SLC13A1: variants seen among roughly 807,000 people sequenced by gnomAD.
SLC13A1 encodes the protein solute carrier family 13 member 1.
In SLC13A1, 65 loss-of-function variants were observed where a neutral mutation model predicts 70.0. The observed-to-expected ratio is 0.93, with a 90% confidence interval of 0.76 to 1.14. SLC13A1 has a LOEUF of 1.14. SLC13A1 is among the 50% of genes most tolerant of loss of function. SLC13A1 has a pLI of 0.00. For synonymous variants in SLC13A1, 275 were observed against 250.5 expected, an observed-to-expected ratio of 1.10 and a Z score of -0.92; for missense variants, 726 against 717.8, an observed-to-expected ratio of 1.01 and a Z score of -0.13.
At chr7:123,160,404 T>C (rs1794851569) in intron 6 of SLC13A1, among the ~76,000 whole-genome samples, 1 of 151,872 alleles carries the variant, frequency 6.6e-6, no homozygotes, top group Non-Finnish European at 1.5e-5. Flanking sequence ...CACAGAAACA[T>C]TCTAAATGGG....
intron 10 of SLC13A1, among the ~76,000 whole-genome samples, chr7:123,126,920 G>A (rs1258213737): frequency 6.6e-6 from 1 of 152,010 alleles, no homozygotes; most frequent in East Asian, 1.9e-4. Context: ...ACATTAGGTG[G>A]TAGCTATAAA....
chr7:123,138,484 A>G (rs1166758698), intron 7 of SLC13A1, among the ~76,000 whole-genome samples: 1 of 152,128 alleles, frequency 6.6e-6, no homozygotes, highest in Non-Finnish European at 1.5e-5. Context: ...TTTTTGAGGA[A>G]CTTCCAAACT....
chr7:123,179,067 G>C (rs944343066), intron 2 of SLC13A1, among the ~76,000 whole-genome samples: 1 of 152,108 alleles, frequency 6.6e-6, no homozygotes, highest in Admixed American at 6.6e-5. Flanking sequence ...GATGGAGTTG[G>C]AAATGGCAGA....
At position 123,191,720 on chromosome 7, in the gene SLC13A1, C is replaced by A. The variant is rs79520894; in HGVS notation, c.99+8128G>T. 5.0e-3 allele frequency among the ~76,000 whole-genome samples: 766 copies of A among 152,260 alleles called. 2 individuals are homozygous for A. Among genetic ancestry groups the A allele is most frequent in the Non-Finnish European group, 8.8e-3 (601 of 68,030 alleles). On this transcript the variant is annotated intron_variant, in intron 1 of 14. Coordinates refer to ENST00000194130, the MANE Select transcript of SLC13A1 (RefSeq NM_022444.4). ...GCACTCCACATGACATTTTATTTAA[C>A]CCTCGCCAAGATTCTTTGGGGTAGA...
In SLC13A1 at chr7:123,199,866, G is replaced by A. The variant is rs1796297808; in HGVS notation, c.81C>T (p.Pro27=). The A allele has an allele frequency of 1.2e-6, 2 of 1,612,168 alleles. No individual in the cohort carries two copies. The highest frequency in any genetic ancestry group is 1.7e-6 in the Non-Finnish European group (2 of 1,178,556). The part of the protein sequence containing the change: ...VFTVLVLLPL[P]IVLHTKEAEC... ...CACTCACCTTGGTGTGGAGGACGAT[G>A]GGCAGAGGTAGTAAAACCAACACAG... Residue 27 remains proline, a synonymous_variant, in exon 1 of 15, where the codon CCC becomes CCT. Coordinates refer to ENST00000194130, the MANE Select transcript of SLC13A1 (RefSeq NM_022444.4).
chr7:123,141,767 A>T (rs1381466151), intron 7 of SLC13A1, among the ~76,000 whole-genome samples: 3 of 151,850 alleles, frequency 2.0e-5, no homozygotes, highest in South Asian at 4.1e-4. Context: ...TTTGGTTTCC[A>T]TTGGCATGGA....
intron 10 of SLC13A1, among the ~76,000 whole-genome samples, chr7:123,126,371 C>G (rs2116295687): frequency 6.6e-6 from 1 of 152,196 alleles, no homozygotes; most frequent in East Asian, 1.9e-4. Context: ...TTAGAATCAC[C>G]AGACCATTGT....
In SLC13A1 at chr7:123,113,777, A is replaced by AT. The variant is rs1192720932; in HGVS notation, c.*1740dup. 1 of 152,162 alleles carries AT rather than the reference A, an allele frequency of 6.6e-6. No individual in the cohort carries two copies. Among genetic ancestry groups the AT allele is most frequent in the Non-Finnish European group, 1.5e-5 (1 of 68,018 alleles). 9.4% of individuals were successfully genotyped at this position (152,162 alleles called of 1,614,324 possible). A position where few individuals can be genotyped will look rare whatever the true frequency, so the allele number is the denominator to read the frequency against. The stretch of plus-strand genomic sequence containing the variant: ...GGACAAATTTTTCTTTGAAAAAATG[A>AT]TTTTTTGCATTGGCCCATTAATAAA... On this transcript the variant is annotated 3_prime_UTR_variant, in exon 15 of 15. Transcript: ENST00000194130.
At chr7:123,180,918 G>A in intron 2 of SLC13A1, 55 bp downstream of exon 2, 2 of 1,547,884 alleles carry the variant, frequency 1.3e-6, no homozygotes, top group Non-Finnish European at 1.8e-6. Context: ...TTTTCTCAAT[G>A]GAAATCTCAA....
Position 123,181,065 on chromosome 7 carries a change from T to C in SLC13A1, c.136A>G (p.Thr46Ala), listed in dbSNP as rs1293242189. 3.7e-6 allele frequency: 6 copies of C among 1,612,568 alleles called. No individual in the cohort carries two copies. In the African/African-American group the frequency reaches 5.3e-5, roughly 14 times the overall value. ...ECAYTLFVVA[T>A]FWLTEALPLS... ...GGCAATGCTTCTGTGAGCCAAAATG[T>C]GGCGACCACAAAGAGTGTGTAGGCA... Residue 46 changes from threonine (T) to alanine (A), a missense_variant, in exon 2 of 15, where the codon ACA becomes GCA. Physicochemically the swap from Thr to Ala is moderately conservative, Grantham distance 58 (BLOSUM62 0). Transcript: ENST00000194130.
At chr7:123,123,496 A>T (rs1391581871) in intron 11 of SLC13A1, among the ~76,000 whole-genome samples, 3 of 152,144 alleles carry the variant, frequency 2.0e-5, no homozygotes. Context: ...TAACATTGTC[A>T]CTTATAATGG....
At chr7:123,128,430 C>A (rs1041551948) in intron 10 of SLC13A1, among the ~76,000 whole-genome samples, 2 of 152,032 alleles carry the variant, frequency 1.3e-5, no homozygotes, top group Non-Finnish European at 2.9e-5. Context: ...CAGATGAAGA[C>A]CCTGAGAATT....
intron 1 of SLC13A1, among the ~76,000 whole-genome samples, chr7:123,189,413 G>C (rs888592017): frequency 6.6e-6 from 1 of 152,042 alleles, no homozygotes; most frequent in South Asian, 2.1e-4. Context: ...CTAAAAATAA[G>C]TTCTTACAGA....
At chr7:123,159,950 T>C (rs1051658693) in intron 6 of SLC13A1, among the ~76,000 whole-genome samples, 24 of 151,826 alleles carry the variant, frequency 1.6e-4, no homozygotes, top group African/African-American at 5.8e-4. Flanking sequence ...GGTAGTGTCA[T>C]AAAGTGTTGA....
intron 1 of SLC13A1, among the ~76,000 whole-genome samples, chr7:123,187,518 C>A (rs1015452283): frequency 6.6e-6 from 1 of 152,068 alleles, no homozygotes; most frequent in African/African-American, 2.4e-5. Flanking sequence ...ATGTTAAGGA[C>A]CACTCCCTCA....
intron 14 of SLC13A1, among the ~76,000 whole-genome samples, chr7:123,116,890 G>T (rs543788161): frequency 4.6e-5 from 7 of 152,312 alleles, no homozygotes; most frequent in African/African-American, 1.4e-4. Context: ...TTCTTATAAA[G>T]TACTGAATAT....
At position 123,147,537 on chromosome 7, in the gene SLC13A1, CCTCTCTCT is replaced by C. The variant is rs112153839; in HGVS notation, c.661-235_661-228del. 1.9e-3 allele frequency among the ~76,000 whole-genome samples: 275 copies of C among 147,856 alleles called. 1 individual carries two copies. The highest frequency in any genetic ancestry group is 6.1e-3 in the African/African-American group (247 of 40,198). On this transcript the variant is annotated intron_variant, in intron 6 of 14. Coordinates refer to ENST00000194130, the MANE Select transcript of SLC13A1 (RefSeq NM_022444.4). ...AGAGGACACATGAGAGAGCTTGATT[CCTCTCTCT>C]CTCTCTCTCTCTCTCTCTGCTATGG... is the stretch of plus-strand genomic sequence containing the variant.
chr7:123,191,156 T>TG (rs1193484282), intron 1 of SLC13A1, among the ~76,000 whole-genome samples: 3 of 152,152 alleles, frequency 2.0e-5, no homozygotes, highest in Non-Finnish European at 4.4e-5. Flanking sequence ...CTGGTTCAGA[T>TG]GGGTCTTATC....
chr7:123,172,137 T>A (rs1230920009), intron 2 of SLC13A1, among the ~76,000 whole-genome samples: 1 of 152,198 alleles, frequency 6.6e-6, no homozygotes, highest in African/African-American at 2.4e-5. Context: ...GGTTATTAAA[T>A]AGCTGAGTAA....
Sources: gnomAD v4.1 joint callset for allele counts (sites outside exome capture counted in the v4.1 genomes callset) on GRCh38, gnomAD v4.1.1 for gene constraint, MANE v1.5 for transcripts, NCBI Gene and HGNC (gene_info 2026-07-23, HGNC 2026-07-21) for gene names.